Variants in ZNG1E observed in about 807,000 individuals in gnomAD.
ZNG1E encodes zinc-regulated GTPase metalloprotein activator 1E.
chr9:65,663,642 G>A, the ZNG1E span, among the ~76,000 whole-genome samples: 2 of 151,300 alleles, frequency 1.3e-5, no homozygotes, highest in Non-Finnish European at 2.9e-5. Context: ...TGCTATGAAT[G>A]TCATAAATGT....
chr9:65,673,888 C>T, the ZNG1E span, among the ~76,000 whole-genome samples: 1 of 152,290 alleles, frequency 6.6e-6, no homozygotes, highest in Non-Finnish European at 1.5e-5. Flanking sequence ...AAAAATATGT[C>T]AAAGAAGGTG....
chr9:65,679,717 G>T, the ZNG1E span, among the ~76,000 whole-genome samples: 1 of 152,250 alleles, frequency 6.6e-6, no homozygotes, highest in Admixed American at 6.5e-5. Context: ...ACCATGCCCA[G>T]ATAATTTTTG....
At chr9:65,658,418 G>T in the ZNG1E span, among the ~76,000 whole-genome samples, 3 of 150,518 alleles carry the variant, frequency 2.0e-5, no homozygotes, top group Non-Finnish European at 4.4e-5. Context: ...AGTTAGAAAA[G>T]AAAAAGAAAA....
chr9:65,726,383 T>A, the ZNG1E span, among the ~76,000 whole-genome samples: 2 of 62,820 alleles, frequency 3.2e-5, no homozygotes, highest in Admixed American at 3.4e-4. Context: ...TCACCAGCAA[T>A]GGATCCAAAC....
At chr9:65,662,107 T>A in the ZNG1E span, among the ~76,000 whole-genome samples, 1 of 152,244 alleles carries the variant, frequency 6.6e-6, no homozygotes, top group East Asian at 1.9e-4. Flanking sequence ...GGATGTCATG[T>A]GCCTCCTGAA....
the ZNG1E span, among the ~76,000 whole-genome samples, chr9:65,715,326 C>G: frequency 7.3e-5 from 11 of 150,910 alleles, no homozygotes; most frequent in Non-Finnish European, 1.6e-4. Context: ...GAACCCGGTA[C>G]CTCAGATGGA....
chr9:65,686,390 AC>A, the ZNG1E span, among the ~76,000 whole-genome samples: 2 of 152,340 alleles, frequency 1.3e-5, no homozygotes, highest in Admixed American at 6.5e-5. Context: ...TAATCTCAGC[AC>A]TTTGGGAGGC....
At chr9:65,673,833 A>C in the ZNG1E span, among the ~76,000 whole-genome samples, 3 of 152,294 alleles carry the variant, frequency 2.0e-5, no homozygotes, top group Non-Finnish European at 4.4e-5. Context: ...TTTTAGTATA[A>C]CATTCAGCCA....
At chr9:65,659,292 C>T in the ZNG1E span, among the ~76,000 whole-genome samples, 1 of 150,786 alleles carries the variant, frequency 6.6e-6, no homozygotes. Flanking sequence ...GTCAGGTGTT[C>T]AAGACCAGCC....
chr9:65,684,281 A>T, the ZNG1E span, among the ~76,000 whole-genome samples: 2 of 151,758 alleles, frequency 1.3e-5, no homozygotes, highest in South Asian at 2.1e-4. Context: ...TCATGCCTGT[A>T]ATCCCAGCAC....
the ZNG1E span, among the ~76,000 whole-genome samples, chr9:65,659,081 T>C: frequency 6.6e-6 from 1 of 152,126 alleles, no homozygotes; most frequent in Admixed American, 6.6e-5. Context: ...GAAAATCCTA[T>C]GTGTTTCCGT....
chr9:65,671,928 C>T, the ZNG1E span, among the ~76,000 whole-genome samples: 2 of 139,126 alleles, frequency 1.4e-5, no homozygotes, highest in Non-Finnish European at 3.0e-5. Flanking sequence ...CATTTGCTCT[C>T]TCTCTTATTA....
the ZNG1E span, among the ~76,000 whole-genome samples, chr9:65,660,687 T>C: frequency 6.6e-6 from 1 of 151,634 alleles, no homozygotes; most frequent in Non-Finnish European, 1.5e-5. Context: ...CAATAGGGAA[T>C]AGGTGGGGCC....
At chr9:65,671,265 G>A in the ZNG1E span, among the ~76,000 whole-genome samples, 1 of 151,662 alleles carries the variant, frequency 6.6e-6, no homozygotes, top group Admixed American at 6.6e-5. Flanking sequence ...TTGGAAAATA[G>A]CAGAACACTG....
chr9:65,667,119 C>T, the ZNG1E span, among the ~76,000 whole-genome samples: 1 of 152,256 alleles, frequency 6.6e-6, no homozygotes, highest in Non-Finnish European at 1.5e-5. Flanking sequence ...CCGTACCCGG[C>T]CCACCAGTGG....
the ZNG1E span, among the ~76,000 whole-genome samples, chr9:65,657,715 A>C: frequency 6.6e-6 from 1 of 152,262 alleles, no homozygotes; most frequent in Non-Finnish European, 1.5e-5. Context: ...AAAAGAGTAT[A>C]ATTGGCATGT....
the ZNG1E span, among the ~76,000 whole-genome samples, chr9:65,716,358 A>G: frequency 4.6e-5 from 7 of 151,188 alleles, no homozygotes; most frequent in East Asian, 3.9e-4. Context: ...GGGTCTTGCT[A>G]TGTTGCCTAG....
chr9:65,665,471 A>T, the ZNG1E span, among the ~76,000 whole-genome samples: 1 of 152,248 alleles, frequency 6.6e-6, no homozygotes, highest in African/African-American at 2.4e-5. Flanking sequence ...CTCCGCCTAG[A>T]TATCAGAAGA....
At chr9:65,671,547 T>C in the ZNG1E span, among the ~76,000 whole-genome samples, 38 of 152,278 alleles carry the variant, frequency 2.5e-4, no homozygotes, top group African/African-American at 8.4e-4. Flanking sequence ...CTCAAGCTCC[T>C]GACCTCAGGT....
Sources: allele counts gnomAD v4.1 joint callset (sites outside exome capture counted in the v4.1 genomes callset), GRCh38; gene constraint gnomAD v4.1.1; transcripts MANE v1.5; gene names NCBI Gene and HGNC (gene_info 2026-07-23, HGNC 2026-07-21).